The following SYN3 variants were observed in gnomAD, a reference collection of about 807,000 sequenced individuals.
SYN3 encodes synapsin III.
A neutral mutation model predicts 65.8 loss-of-function variants in SYN3; 35 were observed. The ratio of observed to expected loss-of-function variants is 0.53; its 90% CI spans 0.41 to 0.70. SYN3 has a LOEUF of 0.70. Among genes scored for constraint, SYN3 ranks in the 30% least tolerant of loss-of-function variants. The probability of loss-of-function intolerance (pLI) is 0.00; values close to 1 mark genes in which losing one functional copy is unlikely to be tolerated. For missense variants in SYN3, 680 were observed against 749.0 expected (o/e 0.91, Z 1.08); for synonymous variants, 270 against 292.9 (o/e 0.92, Z 0.80).
intron 6 of SYN3, among the ~76,000 whole-genome samples, chr22:32,833,192 C>A (rs2047629290): frequency 6.6e-6 from 1 of 152,088 alleles, no homozygotes; most frequent in African/African-American, 2.4e-5. Flanking sequence ...TTGCATTTAT[C>A]CCCTAACAAA....
intron 6 of SYN3, among the ~76,000 whole-genome samples, chr22:32,768,929 A>G (rs2045695449): frequency 1.3e-5 from 2 of 152,142 alleles, no homozygotes; most frequent in Non-Finnish European, 2.9e-5. Context: ...CCCACCTTCC[A>G]GTACCTATTC....
At chr22:32,797,089 G>A (rs2046446437) in intron 6 of SYN3, among the ~76,000 whole-genome samples, 1 of 152,112 alleles carries the variant, frequency 6.6e-6, no homozygotes, top group Non-Finnish European at 1.5e-5. Context: ...GTGTGGAATT[G>A]TGCTCTCCCG....
At chr22:32,599,477 A>T (rs1356367456) in intron 6 of SYN3, among the ~76,000 whole-genome samples, 1 of 152,020 alleles carries the variant, frequency 6.6e-6, no homozygotes, top group Non-Finnish European at 1.5e-5. Flanking sequence ...GCCCGCCACC[A>T]TGCCCGGCTA....
chr22:32,603,908 A>T (rs1215366594), intron 6 of SYN3, among the ~76,000 whole-genome samples: 2 of 152,212 alleles, frequency 1.3e-5, no homozygotes, highest in Non-Finnish European at 2.9e-5. Context: ...CAGAAGGGGC[A>T]GACCGATTTT....
chr22:32,699,099 C>A (rs1304340913), intron 6 of SYN3, among the ~76,000 whole-genome samples: 1 of 152,240 alleles, frequency 6.6e-6, no homozygotes, highest in African/African-American at 2.4e-5. Context: ...GGGCTTCCCA[C>A]AGAGCTTGGC....
chr22:32,922,297 G>A (rs140100228), intron 4 of SYN3, among the ~76,000 whole-genome samples: 8 of 152,288 alleles, frequency 5.3e-5, no homozygotes, highest in African/African-American at 1.9e-4. Context: ...ATTGGCTGGA[G>A]AACTGGATGT....
chr22:32,982,346 T>C (rs933230072), intron 2 of SYN3, among the ~76,000 whole-genome samples: 4 of 152,174 alleles, frequency 2.6e-5, no homozygotes, highest in African/African-American at 9.7e-5. Context: ...CGTCCGTCCT[T>C]CCTTCCTTCT....
chr22:32,662,284 G>C (rs2060227360), intron 6 of SYN3, among the ~76,000 whole-genome samples: 1 of 152,056 alleles, frequency 6.6e-6, no homozygotes. Flanking sequence ...TCATATCCAT[G>C]TTCACGGTTT....
At chr22:32,614,089 A>G (rs1384325545) in intron 6 of SYN3, among the ~76,000 whole-genome samples, 1 of 152,226 alleles carries the variant, frequency 6.6e-6, no homozygotes, top group Non-Finnish European at 1.5e-5. Context: ...GTTTAAATGA[A>G]TTAACCGGCA....
intron 6 of SYN3, among the ~76,000 whole-genome samples, chr22:32,806,808 C>T (rs2046753606): frequency 6.6e-6 from 1 of 152,062 alleles, no homozygotes; most frequent in African/African-American, 2.4e-5. Flanking sequence ...ATCTCTCTAT[C>T]TAAAATCGGA....
At chr22:33,012,167 T>A (rs897415310) in intron 1 of SYN3, among the ~76,000 whole-genome samples, 3 of 152,196 alleles carry the variant, frequency 2.0e-5, no homozygotes, top group African/African-American at 7.2e-5. Context: ...TTCCCCAATA[T>A]AAGTATTTAA....
At chr22:32,859,320 C>G (rs1162988900) in intron 6 of SYN3, 1 of 1,614,000 alleles carries the variant, frequency 6.2e-7, no homozygotes, top group Non-Finnish European at 8.5e-7. Context: ...GCTACTGCAG[C>G]TGGTACCGAG....
chr22:32,958,480 G>A (rs1337050042), intron 3 of SYN3, among the ~76,000 whole-genome samples: 1 of 152,224 alleles, frequency 6.6e-6, no homozygotes, highest in African/African-American at 2.4e-5. Flanking sequence ...GGTGATACTA[G>A]TAGTAATAGC....
chr22:32,988,348 A>AT lies in SYN3; in HGVS notation c.312-7647_312-7646insA, dbSNP rs1556084684. ...AATAATAATAATAATAATAATAATA[A>AT]AATAAATAGATAAAAAGAAAAGTAC... On this transcript the variant is annotated intron_variant, in intron 2 of 13. Coordinates refer to ENST00000358763, the MANE Select transcript of SYN3 (RefSeq NM_003490.4). 3.3e-3 allele frequency among the ~76,000 whole-genome samples: 472 copies of AT among 144,636 alleles called. 2 individuals are homozygous for AT. Among genetic ancestry groups the AT allele is most frequent in the African/African-American group, 0.01 (392 of 39,054 alleles). 94.9% of individuals were successfully genotyped at this position (144,636 alleles called of 152,430 possible). A position where few individuals can be genotyped will look rare whatever the true frequency, so the allele number is the denominator to read the frequency against.
intron 1 of SYN3, among the ~76,000 whole-genome samples, chr22:33,025,223 G>A (rs771365526): frequency 6.6e-6 from 1 of 151,976 alleles, no homozygotes; most frequent in Non-Finnish European, 1.5e-5. Flanking sequence ...TTGGGAGGCC[G>A]AGACGGGTGG....
At position 32,805,130 on chromosome 22, in the gene SYN3, T is replaced by C. The variant is rs560346006; in HGVS notation, c.711+59785A>G. Among the ~76,000 whole-genome samples the C allele has an allele frequency of 2.3e-4, 35 of 152,252 alleles. 1 individual carries two copies. Among genetic ancestry groups the C allele is most frequent in the African/African-American group, 2.9e-4 (12 of 41,558 alleles). The stretch of plus-strand genomic sequence containing the variant: ...ATTTTGCTTCAGAATGCCAAGCCCT[T>C]CTCTCCTTCTCTCTTGCCGCCTTTG... On this transcript the variant is annotated intron_variant, in intron 6 of 13. Coordinates refer to ENST00000358763, the MANE Select transcript of SYN3 (RefSeq NM_003490.4).
chr22:32,802,970 T>C (rs2046629480), intron 6 of SYN3, among the ~76,000 whole-genome samples: 1 of 152,116 alleles, frequency 6.6e-6, no homozygotes, highest in Non-Finnish European at 1.5e-5. Flanking sequence ...AGAGAGACCC[T>C]GTAAAGAGAC....
At chr22:32,840,541 G>T (rs1403447981) in intron 6 of SYN3, among the ~76,000 whole-genome samples, 2 of 152,034 alleles carry the variant, frequency 1.3e-5, no homozygotes, top group Non-Finnish European at 2.9e-5. Context: ...AGTGGGAGGG[G>T]GGTCATCATC....
chr22:33,025,429 G>T (rs534667963), intron 1 of SYN3, among the ~76,000 whole-genome samples: 2 of 78,952 alleles, frequency 2.5e-5, no homozygotes, highest in East Asian at 2.7e-4. Flanking sequence ...GCAAGACTCC[G>T]TCTCAAAAAA....
Sources: allele counts gnomAD v4.1 joint callset (sites outside exome capture counted in the v4.1 genomes callset), GRCh38; gene constraint gnomAD v4.1.1; transcripts MANE v1.5; gene names NCBI Gene and HGNC (gene_info 2026-07-23, HGNC 2026-07-21).